LRRC69: variants seen among roughly 807,000 people sequenced by gnomAD.
The protein encoded by LRRC69 is leucine-rich repeat-containing protein 69.
In LRRC69, 42 loss-of-function variants were observed where a neutral mutation model predicts 37.8. The observed-to-expected ratio is 1.11, with a 90% CI of 0.87 to 1.44. The LOEUF (loss-of-function observed/expected upper bound fraction) is 1.44. Ranked by LOEUF, LRRC69 falls within the 40% of genes most tolerant of loss-of-function variation. The pLI, the probability that LRRC69 is intolerant of heterozygous loss-of-function variation, is 0.00. For synonymous variants in LRRC69, 141 were observed against 143.1 expected (o/e 0.99, Z 0.11); for missense variants, 357 against 401.9 (o/e 0.89, Z 0.96).
chr8:91,197,684 G>T (rs966422839), intron 6 of LRRC69, among the ~76,000 whole-genome samples: 32 of 152,138 alleles, frequency 2.1e-4, no homozygotes, highest in South Asian at 2.1e-4. Flanking sequence ...GTGAGGCAAT[G>T]CCTCACCCTG....
At chr8:91,134,990 G>T (rs1813884196) in intron 4 of LRRC69, among the ~76,000 whole-genome samples, 2 of 152,156 alleles carry the variant, frequency 1.3e-5, no homozygotes, top group South Asian at 4.1e-4. Flanking sequence ...AATAATAGTG[G>T]CAGTCATGGC....
intron 5 of LRRC69, among the ~76,000 whole-genome samples, chr8:91,149,415 G>T (rs377677126): frequency 9.2e-5 from 14 of 151,902 alleles, no homozygotes; most frequent in Middle Eastern, 3.2e-3. Flanking sequence ...CATTATTTCT[G>T]AGGGCTCTGT....
rs1485386632 is a variant in LRRC69 at position 91,200,751 on chromosome 8, A to G, written c.892A>G (p.Thr298Ala). The change falls in exon 7 of 8, where the codon ACC becomes GCC. Residue 298 changes from threonine (T) to alanine (A), a missense_variant. Physicochemically the swap from Thr to Ala is moderately conservative, Grantham distance 58. Transcript: ENST00000448384. Reference sequence around the variant, plus strand: ...TGCAATATGTGGACAGTACTTTATAACCGTATGGCTGGAATGTGTTCGATT... The same window carrying G: ...TGCAATATGTGGACAGTACTTTATAGCCGTATGGCTGGAATGTGTTCGATT... The G allele has an allele frequency of 2.0e-6, 3 of 1,533,168 alleles. No individual in the cohort carries two copies. The South Asian group carries it at 3.8e-5, about 19-fold the overall frequency. 95.0% of individuals were successfully genotyped at this position (1,533,168 alleles called of 1,614,324 possible).
At chr8:91,113,154 A>G (rs1813438012) in intron 1 of LRRC69, among the ~76,000 whole-genome samples, 3 of 152,046 alleles carry the variant, frequency 2.0e-5, no homozygotes, top group Admixed American at 6.6e-5. Flanking sequence ...AGTGATCTAC[A>G]TATTCAATGC....
chr8:91,163,177 C>G (rs1808974449), intron 5 of LRRC69, among the ~76,000 whole-genome samples: 1 of 151,314 alleles, frequency 6.6e-6, no homozygotes, highest in Non-Finnish European at 1.5e-5. Context: ...AGCCTCTACT[C>G]TATGACATCA....
chr8:91,176,134 A>ATATATATTTTTTTTT lies in LRRC69; in HGVS notation c.652-13387_652-13386insATATATTTTTTTTTT. On this transcript the variant is annotated intron_variant, in intron 5 of 7. Transcript: ENST00000448384. Reference sequence around the variant, plus strand: ...ATCCCTCATATATATATATATATATATTTTTTTTTTTTCTTTTTTTTGAGA... The same window carrying ATATATATTTTTTTTT: ...ATCCCTCATATATATATATATATATATATATATTTTTTTTTTTTTTTTTTTTTCTTTTTTTTGAGA... Among the ~76,000 whole-genome samples the ATATATATTTTTTTTT allele has an allele frequency of 5.6e-3, 421 of 75,636 alleles. 3 individuals are homozygous for ATATATATTTTTTTTT. Among genetic ancestry groups the ATATATATTTTTTTTT allele is most frequent in the East Asian group, 0.014 (42 of 2,926 alleles). 49.6% of individuals were successfully genotyped at this position (75,636 alleles called of 152,430 possible).
chr8:91,156,993 G>A (rs1808847178), intron 5 of LRRC69, among the ~76,000 whole-genome samples: 1 of 150,898 alleles, frequency 6.6e-6, no homozygotes, highest in Admixed American at 6.6e-5. Flanking sequence ...TTTTAAACCA[G>A]TTCTATGCTG....
intron 7 of LRRC69, among the ~76,000 whole-genome samples, chr8:91,201,453 T>A (rs1351407891): frequency 6.6e-6 from 1 of 152,232 alleles, no homozygotes; most frequent in African/African-American, 2.4e-5. Flanking sequence ...CTAATAAAAC[T>A]TTACTTGTGA....
chr8:91,150,101 G>C (rs1484800059), intron 5 of LRRC69, among the ~76,000 whole-genome samples: 1 of 151,850 alleles, frequency 6.6e-6, no homozygotes, highest in African/African-American at 2.4e-5. Flanking sequence ...GATTGCCCTG[G>C]CCAGAACTTC....
chr8:91,155,691 A>G (rs1410695700), intron 5 of LRRC69, among the ~76,000 whole-genome samples: 1 of 150,612 alleles, frequency 6.6e-6, no homozygotes, highest in South Asian at 2.1e-4. Flanking sequence ...CTCTACTTCT[A>G]TGAACTCAAC....
intron 6 of LRRC69, among the ~76,000 whole-genome samples, chr8:91,197,291 TTTTG>T (rs943247292): frequency 2.6e-5 from 4 of 152,124 alleles, no homozygotes; most frequent in Non-Finnish European, 4.4e-5. Context: ...ACTGCTGTCT[TTTTG>T]TTTGTCTGTG....
intron 5 of LRRC69, among the ~76,000 whole-genome samples, chr8:91,178,135 A>G (rs761932901): frequency 8.5e-5 from 13 of 152,192 alleles, no homozygotes; most frequent in Non-Finnish European, 1.8e-4. Flanking sequence ...GGCGTGAGCC[A>G]CTGCGCCCGG....
intron 1 of LRRC69, among the ~76,000 whole-genome samples, chr8:91,106,127 T>C (rs1813307546): frequency 1.3e-5 from 2 of 152,060 alleles, no homozygotes; most frequent in Admixed American, 1.3e-4. Context: ...ATTCAGTGAT[T>C]ATAATTCTTA....
intron 5 of LRRC69, among the ~76,000 whole-genome samples, chr8:91,178,009 C>T (rs913506328): frequency 1.4e-4 from 21 of 151,864 alleles, no homozygotes; most frequent in Non-Finnish European, 2.1e-4. Flanking sequence ...CCACCACACC[C>T]GGCTAATTTT....
chr8:91,109,603 A>G (rs1176472934), intron 1 of LRRC69, among the ~76,000 whole-genome samples: 1 of 152,060 alleles, frequency 6.6e-6, no homozygotes, highest in Non-Finnish European at 1.5e-5. Flanking sequence ...TTGATGGCAT[A>G]TTAAAAGGCA....
At chr8:91,153,453 A>AT (rs1330960244) in intron 5 of LRRC69, among the ~76,000 whole-genome samples, 1 of 151,894 alleles carries the variant, frequency 6.6e-6, no homozygotes, top group Non-Finnish European at 1.5e-5. Flanking sequence ...AATTGATGAA[A>AT]TAATTGGAAG....
At chr8:91,162,728 G>T (rs1361003540) in intron 5 of LRRC69, among the ~76,000 whole-genome samples, 3 of 151,034 alleles carry the variant, frequency 2.0e-5, no homozygotes, top group Non-Finnish European at 3.0e-5. Context: ...TCTTATAGTT[G>T]GGAAAATTTA....
intron 6 of LRRC69, among the ~76,000 whole-genome samples, chr8:91,192,704 T>C (rs1201701123): frequency 6.6e-6 from 1 of 152,192 alleles, no homozygotes; most frequent in Admixed American, 6.5e-5. Flanking sequence ...TTTGTTTTTT[T>C]CTTGTAAATT....
intron 5 of LRRC69, among the ~76,000 whole-genome samples, chr8:91,159,436 G>A (rs71528783): frequency 0.053 from 7,940 of 151,166 alleles, 300 homozygotes; most frequent in Middle Eastern, 0.16. Flanking sequence ...TGCATTCAGA[G>A]GATAATATCA....
Sources: gnomAD v4.1 joint callset for allele counts (sites outside exome capture counted in the v4.1 genomes callset) on GRCh38, gnomAD v4.1.1 for gene constraint, MANE v1.5 for transcripts, NCBI Gene and HGNC (gene_info 2026-07-23, HGNC 2026-07-21) for gene names.